Variants in CTTNBP2NL observed in about 807,000 individuals in gnomAD.
CTTNBP2NL encodes CTTNBP2 N-terminal like.
A neutral mutation model predicts 32.5 loss-of-function variants in CTTNBP2NL; 16 were observed. The ratio of observed to expected loss-of-function variants is 0.49; its 90% CI spans 0.33 to 0.75. The LOEUF is 0.75. Ranked by LOEUF, CTTNBP2NL falls within the 30% of genes least tolerant of loss-of-function variation. The pLI is 0.02. For missense variants in CTTNBP2NL, 645 were observed against 756.0 expected (o/e 0.85, Z 1.72); for synonymous variants, 298 against 289.4 (o/e 1.03, Z -0.30).
intron 3 of CTTNBP2NL, among the ~76,000 whole-genome samples, chr1:112,439,603 A>C (rs1056574013): frequency 1.6e-4 from 25 of 152,268 alleles, no homozygotes; most frequent in African/African-American, 5.8e-4. Flanking sequence ...ACTGTCTGTT[A>C]ATGGTGAGTG....
chr1:112,436,629 C>A (rs1649738205), intron 3 of CTTNBP2NL, among the ~76,000 whole-genome samples: 1 of 150,482 alleles, frequency 6.6e-6, no homozygotes, highest in Admixed American at 6.7e-5. Context: ...TAGGCACGAG[C>A]CACTGTGCCT....
At chr1:112,402,082 T>C (rs762035203) in intron 1 of CTTNBP2NL, among the ~76,000 whole-genome samples, 1 of 152,166 alleles carries the variant, frequency 6.6e-6, no homozygotes, top group Non-Finnish European at 1.5e-5. Context: ...TGGGAAAGGC[T>C]AGGCTGAAGC....
upstream of CTTNBP2NL, among the ~76,000 whole-genome samples, chr1:112,395,723 C>CAAAAAAAAAAAAAA (rs1648298672): frequency 8.6e-6 from 1 of 116,252 alleles, no homozygotes. Flanking sequence ...CAGGCGCTTC[C>CAAAAAAAAAAAAAA]AGAAAAAAGA....
At chr1:112,449,753 T>TGTGTGTGTGTGTGTG (rs58369949) in intron 4 of CTTNBP2NL, among the ~76,000 whole-genome samples, 2,957 of 25,346 alleles carry the variant, frequency 0.12, 111 homozygotes, top group African/African-American at 0.13. Flanking sequence ...TGTGTGTGTG[T>TGTGTGTGTGTGTGTG]TTTCCATATT....
rs1422609134 is a variant in CTTNBP2NL at position 112,460,326 on chromosome 1, C to T, written c.*2914C>T. 6.6e-6 allele frequency: 1 copy of T among 151,992 alleles called. No homozygotes were observed. The highest frequency in any genetic ancestry group is 2.4e-5 in the African/African-American group (1 of 41,358). The allele number at this position is 151,992 out of a possible 1,614,324, so 9.4% of individuals were successfully genotyped here. On this transcript the variant is annotated 3_prime_UTR_variant, in exon 6 of 6. Coordinates refer to ENST00000271277, the MANE Select transcript of CTTNBP2NL (RefSeq NM_018704.3). ...AAGAGGGGGTGGTGTAGAGGGAGCA[C>T]TTGACTGTGGCTTTGACAAAACAAA...
chr1:112,454,410 C>T, intron 4 of CTTNBP2NL, 39 bp from the exon 5 acceptor site: 2 of 1,486,452 alleles, frequency 1.3e-6, no homozygotes, highest in Middle Eastern at 1.7e-4. Context: ...AATGTGACTC[C>T]TTGATATTTG....
intron 3 of CTTNBP2NL, among the ~76,000 whole-genome samples, chr1:112,422,105 A>G (rs1649249778): frequency 6.6e-6 from 1 of 152,136 alleles, no homozygotes; most frequent in Non-Finnish European, 1.5e-5. Context: ...CAAAATTTTT[A>G]TGCCCCTTAG....
intron 1 of CTTNBP2NL, among the ~76,000 whole-genome samples, chr1:112,399,420 G>A (rs1363138105): frequency 6.6e-6 from 1 of 151,048 alleles, no homozygotes; most frequent in East Asian, 1.9e-4. Flanking sequence ...TTGATTTTGT[G>A]TTTTTAAAGT....
At chr1:112,393,195 G>A (rs1226729418), upstream of CTTNBP2NL, among the ~76,000 whole-genome samples, 2 of 152,128 alleles carry the variant, frequency 1.3e-5, no homozygotes, top group African/African-American at 4.8e-5. Flanking sequence ...CAAGAACTGA[G>A]ACAGAACACA....
At chr1:112,434,855 T>C (rs1046114598) in intron 3 of CTTNBP2NL, among the ~76,000 whole-genome samples, 1 of 152,104 alleles carries the variant, frequency 6.6e-6, no homozygotes, top group African/African-American at 2.4e-5. Flanking sequence ...ATAAAAAGTA[T>C]GTCCAGGCTG....
At chr1:112,408,220 ATTTTTTT>A (rs397981257) in intron 1 of CTTNBP2NL, among the ~76,000 whole-genome samples, 6 of 103,760 alleles carry the variant, frequency 5.8e-5, no homozygotes, top group South Asian at 5.7e-4. Flanking sequence ...TTTTTTTTTA[ATTTTTTT>A]TTTTTTTTTT....
chr1:112,451,280 A>C (rs776573825), intron 4 of CTTNBP2NL, among the ~76,000 whole-genome samples: 82 of 149,402 alleles, frequency 5.5e-4, no homozygotes, highest in Non-Finnish European at 9.8e-4. Flanking sequence ...CCTCTCCTTA[A>C]CCCTTACCCA....
intron 1 of CTTNBP2NL, among the ~76,000 whole-genome samples, chr1:112,399,318 CAAAAAAAAAAAA>C (rs72332884): frequency 1.3e-5 from 1 of 78,050 alleles, no homozygotes; most frequent in Non-Finnish European, 2.5e-5. Context: ...GACTCTGTCT[CAAAAAAAAAAAA>C]AAAAAAAAAG....
In CTTNBP2NL at chr1:112,456,225, G is replaced by A. The variant is rs761608494; in HGVS notation, c.733G>A (p.Glu245Lys). ...GAAGCAGTTATCAGAGTTTGACATC[G>A]AAAGGGAACAACTGAGAGCAAAACT... is the stretch of plus-strand genomic sequence containing the variant. ...VEKQLSEFDI[E>K]REQLRAKLNR... Residue 245 changes from glutamate to lysine, a missense_variant, in exon 6 of 6, where the codon GAA becomes AAA. Coordinates refer to ENST00000271277, the MANE Select transcript of CTTNBP2NL (RefSeq NM_018704.3). The A allele has an allele frequency of 6.2e-6, 10 of 1,613,966 alleles. No homozygotes were observed. Among genetic ancestry groups the A allele is most frequent in the African/African-American group, 1.3e-5 (1 of 74,888 alleles).
In CTTNBP2NL at chr1:112,458,273, T is replaced by A. The variant is rs1211132849; in HGVS notation, c.*861T>A. 1.3e-4 allele frequency: 20 copies of A among 152,650 alleles called. No individual in the cohort carries two copies. The highest frequency in any genetic ancestry group is 1.3e-3 in the Admixed American group (20 of 15,278). 9.5% of individuals were successfully genotyped at this position (152,650 alleles called of 1,614,324 possible). A position where few individuals can be genotyped will look rare whatever the true frequency, so the allele number is the denominator to read the frequency against. On this transcript the variant is annotated 3_prime_UTR_variant, in exon 6 of 6. Transcript: ENST00000271277. Reference sequence around the variant, plus strand: ...AAAGTTTTGCAAGAGAATGAATTTTTTATTCTGTAATCAAAAAGCAATAAC... The same window carrying A: ...AAAGTTTTGCAAGAGAATGAATTTTATATTCTGTAATCAAAAAGCAATAAC...
chr1:112,422,574 G>A (rs1649263626), intron 3 of CTTNBP2NL, among the ~76,000 whole-genome samples: 1 of 152,122 alleles, frequency 6.6e-6, no homozygotes. Flanking sequence ...CAAGTGTTTT[G>A]CAAAGCGATT....
chr1:112,415,066 C>T (rs1043069607), intron 2 of CTTNBP2NL, among the ~76,000 whole-genome samples: 1 of 152,050 alleles, frequency 6.6e-6, no homozygotes, highest in Admixed American at 6.6e-5. Context: ...TGGCATGTAT[C>T]GGTGATCCTA....
At chr1:112,447,062 C>T (rs1025524795) in intron 3 of CTTNBP2NL, among the ~76,000 whole-genome samples, 5 of 152,012 alleles carry the variant, frequency 3.3e-5, no homozygotes, top group South Asian at 2.1e-4. Context: ...ATCACGAGGT[C>T]GGGAGATCGA....
chr1:112,438,789 C>T (rs114553333), intron 3 of CTTNBP2NL, among the ~76,000 whole-genome samples: 3 of 152,104 alleles, frequency 2.0e-5, no homozygotes, highest in African/African-American at 4.8e-5. Context: ...TTAGCATGCA[C>T]AATTTCACCA....
Sources: gnomAD v4.1 joint callset for allele counts (sites outside exome capture counted in the v4.1 genomes callset) on GRCh38, gnomAD v4.1.1 for gene constraint, MANE v1.5 for transcripts, NCBI Gene and HGNC (gene_info 2026-07-23, HGNC 2026-07-21) for gene names.